Variants in ADA observed in about 807,000 individuals in gnomAD.
ADA encodes adenosine deaminase.
Under a neutral mutation model 49.0 loss-of-function variants are expected in ADA, and 45 were observed. The ratio of observed to expected loss-of-function variants is 0.92; its 90% CI spans 0.72 to 1.18. The LOEUF (loss-of-function observed/expected upper bound fraction) is 1.18. Among genes scored for constraint, ADA ranks in the 50% most tolerant of loss-of-function variants. ADA has a pLI of 0.00. For missense variants in ADA, 445 were observed against 472.5 expected (o/e 0.94, Z 0.54); for synonymous variants, 173 against 184.2 (o/e 0.94, Z 0.49).
At chr20:44,648,556 C>G (rs1474602613) in intron 1 of ADA, among the ~76,000 whole-genome samples, 2 of 152,056 alleles carry the variant, frequency 1.3e-5, no homozygotes, top group Admixed American at 1.3e-4. Flanking sequence ...GCTACATAAA[C>G]TGCATGATTT....
intron 6 of ADA, among the ~76,000 whole-genome samples, chr20:44,623,676 TCCTC>T (rs900241994): frequency 2.0e-5 from 3 of 151,130 alleles, no homozygotes; most frequent in South Asian, 2.1e-4. Context: ...TTTCCTTCCT[TCCTC>T]CCTCCCTCCC....
At chr20:44,629,886 G>A (rs754437860) in intron 2 of ADA, among the ~76,000 whole-genome samples, 4 of 152,158 alleles carry the variant, frequency 2.6e-5, no homozygotes, top group Non-Finnish European at 5.9e-5. Context: ...TCCCAGCCAC[G>A]GGAAGCAGGG....
At chr20:44,624,425 G>C in intron 5 of ADA, 96 bp from the exon 6 acceptor site, 3 of 1,556,474 alleles carry the variant, frequency 1.9e-6, no homozygotes, top group East Asian at 4.5e-5. Context: ...CCCCATGGGA[G>C]GCCAGCACAA....
Position 44,619,864 on chromosome 20 carries a change from A to G in ADA, c.1079-17T>C. The G allele has an allele frequency of 6.2e-7, 1 of 1,614,176 alleles. No individual in the cohort carries two copies. The highest frequency in any genetic ancestry group is 2.2e-5 in the East Asian group (1 of 44,882). ...GGTTCTGCCCTGCTCGTTGGTTCAG[A>G]GAAGCAAAAAGATCAGGCAACTTGT... On this transcript the variant is annotated splice_polypyrimidine_tract_variant and intron_variant, in intron 11 of 11. Coordinates refer to ENST00000372874, the MANE Select transcript of ADA (RefSeq NM_000022.4).
intron 1 of ADA, 25 bp downstream of exon 1, chr20:44,651,550 C>T: frequency 6.5e-7 from 1 of 1,529,962 alleles, no homozygotes; most frequent in Non-Finnish European, 8.7e-7. Flanking sequence ...GGACCCCCGT[C>T]CCCGGAGCCC....
At chr20:44,642,243 T>G (rs2065542754) in intron 1 of ADA, among the ~76,000 whole-genome samples, 1 of 152,196 alleles carries the variant, frequency 6.6e-6, no homozygotes, top group Non-Finnish European at 1.5e-5. Flanking sequence ...GAGGTCAACC[T>G]GGGTCTCTGC....
At chr20:44,633,725 A>G (rs1008148383) in intron 2 of ADA, among the ~76,000 whole-genome samples, 7 of 152,206 alleles carry the variant, frequency 4.6e-5, no homozygotes, top group African/African-American at 1.7e-4. Context: ...CTGTAGAAAT[A>G]GTTGACAGGG....
At chr20:44,649,619 T>C (rs1042206914) in intron 1 of ADA, among the ~76,000 whole-genome samples, 8 of 150,726 alleles carry the variant, frequency 5.3e-5, no homozygotes, top group African/African-American at 2.0e-4. Context: ...CCTCCCTTGA[T>C]GGGCTGTTAC....
chr20:44,628,410 C>G (rs554593397), intron 3 of ADA, among the ~76,000 whole-genome samples: 3 of 151,972 alleles, frequency 2.0e-5, no homozygotes, highest in Non-Finnish European at 4.4e-5. Flanking sequence ...GCCTGTGATC[C>G]CAGCTACTTG....
At chr20:44,636,182 C>A (rs201108999) in intron 2 of ADA, 45 bp downstream of exon 2, 2 of 1,541,390 alleles carry the variant, frequency 1.3e-6, no homozygotes, top group Admixed American at 3.5e-5. Flanking sequence ...AGCTGGGGAC[C>A]CCACTCAAAT....
At position 44,629,159 on chromosome 20, in the gene ADA, TC is replaced by T; in HGVS notation, c.105del (p.Ile36SerfsTer12). 2 of 1,614,162 alleles carry T rather than the reference TC, an allele frequency of 1.2e-6. No individual in the cohort carries two copies. Among genetic ancestry groups the T allele is most frequent in the Non-Finnish European group, 1.7e-6 (2 of 1,180,028 alleles). ...ETILYYGRRR[G>X]IALPANTAEG... is the part of the protein sequence containing the mutation. ...TCTGCTGTGTTAGCTGGGAGGGCGA[TC>T]CCTCTCCTCCTGGAAACAAAACAGT... On this transcript the variant is annotated frameshift_variant, in exon 3 of 12. Coordinates refer to ENST00000372874, the MANE Select transcript of ADA (RefSeq NM_000022.4). LOFTEE classifies it high-confidence loss of function.
intron 1 of ADA, 43 bp from the exon 2 acceptor site, chr20:44,636,331 G>T: frequency 6.8e-7 from 1 of 1,467,088 alleles, no homozygotes; most frequent in South Asian, 1.2e-5. Context: ...GGGAGAGAGA[G>T]AACAAATACC....
intron 11 of ADA, 133 bp downstream of exon 11, chr20:44,620,166 C>T (rs1041221310): frequency 8.0e-6 from 7 of 874,190 alleles, no homozygotes; most frequent in Non-Finnish European, 1.2e-5. Flanking sequence ...CCAGCCAGGG[C>T]CCAGAAACCA....
chr20:44,639,438 A>G (rs2065511379), intron 1 of ADA, among the ~76,000 whole-genome samples: 1 of 151,866 alleles, frequency 6.6e-6, no homozygotes, highest in Non-Finnish European at 1.5e-5. Context: ...TTTAAGACGG[A>G]GTTTCACTCT....
chr20:44,650,045 C>G (rs2065629444), intron 1 of ADA, among the ~76,000 whole-genome samples: 2 of 152,172 alleles, frequency 1.3e-5, no homozygotes, highest in Non-Finnish European at 2.9e-5. Context: ...AATCAAAGAG[C>G]TTTGCTATTG....
intron 2 of ADA, among the ~76,000 whole-genome samples, chr20:44,633,235 A>C (rs910659064): frequency 2.0e-5 from 3 of 152,180 alleles, no homozygotes; most frequent in African/African-American, 7.2e-5. Context: ...AGTAAAACAT[A>C]ATATTTTCCA....
At position 44,619,788 on chromosome 20, in the gene ADA, G is replaced by A; in HGVS notation, c.*46C>T. 1 of 1,612,510 alleles carries A rather than the reference G, an allele frequency of 6.2e-7. No homozygotes were observed. The highest frequency in any genetic ancestry group is 8.5e-7 in the Non-Finnish European group (1 of 1,178,504). On this transcript the variant is annotated 3_prime_UTR_variant, in exon 12 of 12. Coordinates refer to ENST00000372874, the MANE Select transcript of ADA (RefSeq NM_000022.4). ...TGTAAAAATGTTGCTCAGCCCCACA[G>A]AGTTGGGGTGACTCCACAGGGTGAA...
chr20:44,621,219 T>A, intron 9 of ADA, 72 bp from the exon 10 acceptor site: 1 of 1,595,118 alleles, frequency 6.3e-7, no homozygotes, highest in Non-Finnish European at 8.6e-7. Flanking sequence ...ACATTGACGT[T>A]CACCCGCCTT....
rs755578452 is a variant in ADA at position 44,622,880 on chromosome 20, C to T, written c.729G>A (p.Leu243=). ...GCCTGTTATAAAGGGCCTGGTCTTC[C>T]AGGGTGTGGTAGCCGTGTCCCAGCC... ...TERLGHGYHT[L]EDQALYNRLR... is the part of the protein sequence containing the mutation. Residue 243 remains leucine (L), a synonymous_variant, in exon 8 of 12, where the codon CTG becomes CTA. Coordinates refer to ENST00000372874, the MANE Select transcript of ADA (RefSeq NM_000022.4). The T allele has an allele frequency of 6.2e-7, 1 of 1,614,244 alleles. No individual in the cohort carries two copies. Among genetic ancestry groups the T allele is most frequent in the South Asian group, 1.1e-5 (1 of 91,082 alleles).
Sources: allele counts gnomAD v4.1 joint callset (sites outside exome capture counted in the v4.1 genomes callset), GRCh38; gene constraint gnomAD v4.1.1; transcripts MANE v1.5; gene names NCBI Gene and HGNC (gene_info 2026-07-23, HGNC 2026-07-21).